Variants in MSRA observed in about 807,000 individuals in gnomAD.
MSRA encodes methionine sulfoxide reductase A, also known as mitochondrial peptide methionine sulfoxide reductase.
MSRA carries 54 observed loss-of-function variants against 31.3 expected under a neutral mutation model. The observed-to-expected ratio is 1.73, with a 90% CI of 1.39 to 2.17. MSRA has a LOEUF of 2.17. Ranked by LOEUF, MSRA falls within the 30% of genes most tolerant of loss-of-function variation. The pLI is 0.00. For missense variants in MSRA, 507 were observed against 300.9 expected (o/e 1.69, Z -5.07); for synonymous variants, 169 against 116.5 (o/e 1.45, Z -2.90).
intron 1 of MSRA, among the ~76,000 whole-genome samples, chr8:10,062,152 C>T (rs1043538862): frequency 6.6e-6 from 1 of 152,222 alleles, no homozygotes; most frequent in South Asian, 2.1e-4. Flanking sequence ...TAAGCTTGGT[C>T]TGGCTCCTGC....
intron 1 of MSRA, among the ~76,000 whole-genome samples, chr8:10,142,441 C>T (rs1271033998): frequency 6.6e-6 from 1 of 152,206 alleles, no homozygotes; most frequent in South Asian, 2.1e-4. Flanking sequence ...GTGTTCTGTC[C>T]TCTAGGCTGC....
chr8:10,394,101 T>C (rs1421759823), intron 5 of MSRA, among the ~76,000 whole-genome samples: 2 of 152,264 alleles, frequency 1.3e-5, no homozygotes, highest in Non-Finnish European at 2.9e-5. Context: ...CATCTGCGTC[T>C]TGTATATTTG....
chr8:10,134,070 G>A (rs1802090791), intron 1 of MSRA, among the ~76,000 whole-genome samples: 1 of 152,126 alleles, frequency 6.6e-6, no homozygotes, highest in Admixed American at 6.5e-5. Context: ...GACCTCAGGC[G>A]ATCTGCCCAC....
intron 3 of MSRA, among the ~76,000 whole-genome samples, chr8:10,255,831 A>G (rs765347575): frequency 5.9e-5 from 9 of 151,776 alleles, no homozygotes; most frequent in Admixed American, 1.3e-4. Context: ...TAATTTTTTC[A>G]TCTAATAAAC....
intron 1 of MSRA, among the ~76,000 whole-genome samples, chr8:10,055,432 C>G (rs1215839352): frequency 1.3e-5 from 2 of 152,216 alleles, no homozygotes; most frequent in Admixed American, 6.5e-5. Flanking sequence ...CACGCGTTTC[C>G]CAGAACGAGG....
At chr8:10,212,245 G>A (rs1222364890) in intron 2 of MSRA, among the ~76,000 whole-genome samples, 1 of 151,920 alleles carries the variant, frequency 6.6e-6, no homozygotes, top group South Asian at 2.1e-4. Flanking sequence ...TCCAAACTAG[G>A]ATACATTCGA....
At chr8:10,144,563 A>C (rs910776361) in intron 1 of MSRA, among the ~76,000 whole-genome samples, 6 of 152,204 alleles carry the variant, frequency 3.9e-5, no homozygotes, top group African/African-American at 1.4e-4. Flanking sequence ...CAGATTATCC[A>C]AATACCAGTA....
At chr8:10,354,172 G>T (rs1041105026) in intron 5 of MSRA, among the ~76,000 whole-genome samples, 2 of 152,142 alleles carry the variant, frequency 1.3e-5, no homozygotes, top group African/African-American at 4.8e-5. Context: ...TTGTTTGTAA[G>T]CCCTGAATGA....
chr8:10,158,765 G>C (rs530267113), intron 1 of MSRA, among the ~76,000 whole-genome samples: 8 of 152,146 alleles, frequency 5.3e-5, no homozygotes, highest in Admixed American at 6.5e-5. Context: ...GAATTGCTGG[G>C]TCATATGGTG....
intron 5 of MSRA, among the ~76,000 whole-genome samples, chr8:10,351,001 T>A (rs1310633581): frequency 2.0e-5 from 3 of 152,206 alleles, no homozygotes; most frequent in Non-Finnish European, 4.4e-5. Context: ...TTACTCCCCA[T>A]GAATTCTCTG....
intron 3 of MSRA, among the ~76,000 whole-genome samples, chr8:10,268,284 A>T (rs1234485048): frequency 2.0e-5 from 3 of 152,202 alleles, no homozygotes; most frequent in Non-Finnish European, 2.9e-5. Context: ...TTTCTCATCT[A>T]ATAAAATTGC....
At chr8:10,270,843 C>G (rs895400382) in intron 3 of MSRA, among the ~76,000 whole-genome samples, 4 of 152,196 alleles carry the variant, frequency 2.6e-5, no homozygotes, top group Non-Finnish European at 5.9e-5. Context: ...GCTGAAGGCA[C>G]TGCAGGGTGG....
chr8:10,119,260 T>G (rs950985706), intron 1 of MSRA, among the ~76,000 whole-genome samples: 3 of 152,256 alleles, frequency 2.0e-5, no homozygotes, highest in Admixed American at 6.5e-5. Context: ...CATAAAATGC[T>G]TATCTTCATA....
At chr8:10,248,075 A>G (rs990289307) in intron 3 of MSRA, among the ~76,000 whole-genome samples, 1 of 152,124 alleles carries the variant, frequency 6.6e-6, no homozygotes, top group Non-Finnish European at 1.5e-5. Context: ...CTGACTTAAG[A>G]GAAGGAAAAT....
At chr8:10,398,847 C>T (rs761361829) in intron 5 of MSRA, among the ~76,000 whole-genome samples, 1 of 152,146 alleles carries the variant, frequency 6.6e-6, no homozygotes, top group African/African-American at 2.4e-5. Context: ...AAAATATCAC[C>T]ATTGCTTCTG....
At chr8:10,093,061 C>G (rs1421621590) in intron 1 of MSRA, among the ~76,000 whole-genome samples, 2 of 151,996 alleles carry the variant, frequency 1.3e-5, no homozygotes, top group Non-Finnish European at 2.9e-5. Context: ...TACTTTGAAC[C>G]TTTTTATGTC....
chr8:10,213,432 CTTTTTTTTTT>C (rs1198665886), intron 2 of MSRA, among the ~76,000 whole-genome samples: 4 of 76,738 alleles, frequency 5.2e-5, no homozygotes, highest in African/African-American at 1.1e-4. Context: ...ACCACACTTT[CTTTTTTTTTT>C]TTTTTTTTTT....
At chr8:10,091,464 T>C (rs1044413330) in intron 1 of MSRA, among the ~76,000 whole-genome samples, 23 of 152,352 alleles carry the variant, frequency 1.5e-4, no homozygotes, top group Admixed American at 5.9e-4. Flanking sequence ...CGTTTATCTG[T>C]TGATGGACAC....
chr8:10,149,086 G>C (rs994938386), intron 1 of MSRA, among the ~76,000 whole-genome samples: 22 of 151,014 alleles, frequency 1.5e-4, no homozygotes, highest in African/African-American at 4.9e-4. Flanking sequence ...CTCCCAAGTA[G>C]GTAGGATTAT....
Sources: allele counts gnomAD v4.1 joint callset (sites outside exome capture counted in the v4.1 genomes callset), GRCh38; gene constraint gnomAD v4.1.1; transcripts MANE v1.5; gene names NCBI Gene and HGNC (gene_info 2026-07-23, HGNC 2026-07-21).